PKNOX1: variants seen among roughly 807,000 people sequenced by gnomAD.
PKNOX1 encodes PBX/knotted 1 homeobox 1.
PKNOX1 carries 15 observed loss-of-function variants against 51.9 expected under a neutral mutation model. That is an observed-to-expected ratio of 0.29 (90% CI 0.19 to 0.45). The LOEUF (loss-of-function observed/expected upper bound fraction) is 0.45. Among genes scored for constraint, PKNOX1 ranks in the 20% least tolerant of loss-of-function variants. PKNOX1 has a pLI of 1.00. For synonymous variants in PKNOX1, 219 were observed against 211.1 expected (o/e 1.04, Z -0.32); for missense variants, 462 against 547.5 (o/e 0.84, Z 1.56).
chr21:43,004,108 A>G (rs1339680644), intron 1 of PKNOX1: 5 of 291,972 alleles, frequency 1.7e-5, no homozygotes, highest in African/African-American at 6.7e-5. Context: ...ATGGTGGCAC[A>G]TGACTGTAAT....
chr21:42,991,746 A>C (rs1467980122), intron 1 of PKNOX1, among the ~76,000 whole-genome samples: 1 of 145,776 alleles, frequency 6.9e-6, no homozygotes, highest in Non-Finnish European at 1.5e-5. Context: ...AAAAAAAAAA[A>C]CAAACCAAAA....
chr21:43,022,820 G>T (rs1315629169), intron 8 of PKNOX1, among the ~76,000 whole-genome samples: 1 of 151,192 alleles, frequency 6.6e-6, no homozygotes, highest in Non-Finnish European at 1.5e-5. Flanking sequence ...AGGAATGAGG[G>T]CTCTAAGCAG....
intron 2 of PKNOX1, among the ~76,000 whole-genome samples, chr21:43,005,748 C>T (rs1978960377): frequency 6.6e-6 from 1 of 152,014 alleles, no homozygotes; most frequent in South Asian, 2.1e-4. Flanking sequence ...CTCACTGTTC[C>T]CATCACTCTT....
At chr21:43,000,781 G>A (rs1007712882) in intron 1 of PKNOX1, among the ~76,000 whole-genome samples, 2 of 152,186 alleles carry the variant, frequency 1.3e-5, no homozygotes, top group Non-Finnish European at 2.9e-5. Context: ...TGTTTAGGGG[G>A]CTGTGGTGGG....
At chr21:43,005,300 C>T (rs146534596) in intron 2 of PKNOX1, among the ~76,000 whole-genome samples, 1 of 152,276 alleles carries the variant, frequency 6.6e-6, no homozygotes, top group East Asian at 1.9e-4. Context: ...TGGAGCCATG[C>T]TGGTGAGGTC....
rs1338762865 is a variant in PKNOX1 at position 43,033,652 on chromosome 21, T to A, written c.*3551T>A. On this transcript the variant is annotated 3_prime_UTR_variant, in exon 11 of 11. Coordinates refer to ENST00000291547, the MANE Select transcript of PKNOX1 (RefSeq NM_004571.5). The stretch of plus-strand genomic sequence containing the variant: ...TCCATTTTATGTAAAACATTGAGAA[T>A]GTTTTCATGTTTTCTGGTGACATGT... The A allele has an allele frequency of 1.3e-5, 2 of 152,358 alleles. No homozygotes were observed. Among genetic ancestry groups the A allele is most frequent in the African/African-American group, 4.8e-5 (2 of 41,580 alleles). The allele number at this position is 152,358 out of a possible 1,614,324, so 9.4% of individuals were successfully genotyped here.
At chr21:42,984,681 C>T (rs902949805) in intron 1 of PKNOX1, among the ~76,000 whole-genome samples, 4 of 152,220 alleles carry the variant, frequency 2.6e-5, no homozygotes, top group Non-Finnish European at 4.4e-5. Context: ...AGCCACCATG[C>T]CCGGCCAGTT....
At chr21:43,029,839 T>G in intron 10 of PKNOX1, 51 bp from the exon 11 acceptor site, 2 of 1,509,534 alleles carry the variant, frequency 1.3e-6, no homozygotes, top group Non-Finnish European at 1.8e-6. Context: ...TAATAAAGTG[T>G]TTTTCTGTGA....
intron 3 of PKNOX1, 28 bp downstream of exon 3, chr21:43,007,646 G>A (rs202128761): frequency 2.5e-6 from 4 of 1,613,644 alleles, no homozygotes; most frequent in East Asian, 4.5e-5. Flanking sequence ...GGCTGTGGGG[G>A]CCTCAGAGGA....
Position 43,021,267 on chromosome 21 carries a change from C to G in PKNOX1, c.721-36C>G, listed in dbSNP as rs780305199. 2 of 1,549,512 alleles carry G rather than the reference C, an allele frequency of 1.3e-6. No homozygotes were observed. Among genetic ancestry groups the G allele is most frequent in the Admixed American group, 3.6e-5 (2 of 54,826 alleles). On this transcript the variant is annotated intron_variant, in intron 7 of 10. Coordinates refer to ENST00000291547, the MANE Select transcript of PKNOX1 (RefSeq NM_004571.5). The surrounding 1 kb of genome is among the most constrained non-coding windows in gnomAD (Gnocchi z 4.6). The stretch of plus-strand genomic sequence containing the variant: ...TAAGTACTTGGATATGTGAGAATTT[C>G]CTATGCTTTCTAATGTTATTTTTCA...
At chr21:43,002,225 C>T (rs1341228603) in intron 1 of PKNOX1, among the ~76,000 whole-genome samples, 2 of 152,144 alleles carry the variant, frequency 1.3e-5, no homozygotes, top group African/African-American at 2.4e-5. Flanking sequence ...GTGGCCAAAT[C>T]TGCGTTTCTA....
chr21:43,024,952 G>T lies in PKNOX1; in HGVS notation c.926+5G>T, dbSNP rs768198993. 36 of 1,591,952 alleles carry T rather than the reference G, an allele frequency of 2.3e-5. No homozygotes were observed. The highest frequency in any genetic ancestry group is 3.3e-4 in the Middle Eastern group (2 of 6,036). On this transcript the variant is annotated splice_donor_5th_base_variant and intron_variant, in intron 9 of 10. Coordinates refer to ENST00000291547, the MANE Select transcript of PKNOX1 (RefSeq NM_004571.5). ...ACTACTCCAAGTCAACAACTGGTAA[G>T]GTGCCCTGCTTCCTGAAATCATGCT...
At chr21:42,992,106 C>G (rs905601562) in intron 1 of PKNOX1, among the ~76,000 whole-genome samples, 1 of 152,188 alleles carries the variant, frequency 6.6e-6, no homozygotes, top group Non-Finnish European at 1.5e-5. Context: ...GTGGTGCTTG[C>G]CTCATGGGCC....
chr21:43,021,142 C>A lies in PKNOX1; in HGVS notation c.721-161C>A, dbSNP rs996897159. On this transcript the variant is annotated intron_variant, in intron 7 of 10. Coordinates refer to ENST00000291547, the MANE Select transcript of PKNOX1 (RefSeq NM_004571.5). The surrounding 1 kb of genome is among the most constrained non-coding windows in gnomAD (Gnocchi z 4.6). Reference sequence around the variant, plus strand: ...GAAAGGCTGGTCATGTGGAGGGAGCCGTGTCCTGAAACATCAGTCCACACA... The same window carrying A: ...GAAAGGCTGGTCATGTGGAGGGAGCAGTGTCCTGAAACATCAGTCCACACA... The A allele has an allele frequency of 5.9e-6, 3 of 507,556 alleles. No homozygotes were observed. The highest frequency in any genetic ancestry group is 7.0e-6 in the Non-Finnish European group (2 of 285,148). 31.4% of individuals were successfully genotyped at this position (507,556 alleles called of 1,614,324 possible).
At chr21:43,011,591 C>T (rs903437584) in intron 4 of PKNOX1, among the ~76,000 whole-genome samples, 10 of 152,154 alleles carry the variant, frequency 6.6e-5, no homozygotes, top group African/African-American at 1.9e-4. Flanking sequence ...AGTGTAACCA[C>T]GTGTTTACTT....
chr21:43,002,883 A>T (rs1225911018), intron 1 of PKNOX1, among the ~76,000 whole-genome samples: 1 of 151,910 alleles, frequency 6.6e-6, no homozygotes, highest in Non-Finnish European at 1.5e-5. Context: ...TGCCCGGCTA[A>T]TTTTTGTATT....
At chr21:42,995,812 C>T (rs1454958231) in intron 1 of PKNOX1, among the ~76,000 whole-genome samples, 1 of 152,252 alleles carries the variant, frequency 6.6e-6, no homozygotes, top group East Asian at 1.9e-4. Flanking sequence ...GTGGTGGTTG[C>T]CGAATGGTGA....
At chr21:43,028,104 C>T (rs1002373179) in intron 9 of PKNOX1, among the ~76,000 whole-genome samples, 8 of 152,208 alleles carry the variant, frequency 5.3e-5, no homozygotes, top group Admixed American at 3.3e-4. Flanking sequence ...GGAGGACTTA[C>T]GCCTCCAGTC....
chr21:42,978,884 G>A lies in PKNOX1; in HGVS notation c.-57+4220G>A, dbSNP rs118025692. On this transcript the variant is annotated intron_variant, in intron 1 of 10. Coordinates refer to ENST00000291547, the MANE Select transcript of PKNOX1 (RefSeq NM_004571.5). ...GTCCTCCTGCCTCAGCCTCAGGCATGATCCACTGTTCCTGGCCTTGGCTAT... is the reference window on the plus strand; with the variant it reads ...GTCCTCCTGCCTCAGCCTCAGGCATAATCCACTGTTCCTGGCCTTGGCTAT... 3.4e-4 allele frequency among the ~76,000 whole-genome samples: 52 copies of A among 152,208 alleles called. 1 individual carries two copies. In the East Asian group the frequency reaches 9.3e-3, roughly 27 times the overall value.
Sources: allele counts gnomAD v4.1 joint callset (sites outside exome capture counted in the v4.1 genomes callset), GRCh38; gene constraint gnomAD v4.1.1; non-coding constraint Gnocchi (gnomAD v3.1); transcripts MANE v1.5; gene names NCBI Gene and HGNC (gene_info 2026-07-23, HGNC 2026-07-21).